The following TTLL5 variants were observed in gnomAD, a reference collection of about 807,000 sequenced individuals.
TTLL5 encodes tubulin tyrosine ligase like 5, also known as tubulin polyglutamylase TTLL5.
A neutral mutation model predicts 168.4 loss-of-function variants in TTLL5; 132 were observed. The observed-to-expected ratio is 0.78, with a 90% CI of 0.68 to 0.91. TTLL5 has a LOEUF of 0.91. Among genes scored for constraint, TTLL5 ranks in the 40% least tolerant of loss-of-function variants. The pLI is 0.00. For synonymous variants in TTLL5, 546 were observed against 558.6 expected, an observed-to-expected ratio of 0.98 and a Z score of 0.32; for missense variants, 1,545 against 1,581.5, an observed-to-expected ratio of 0.98 and a Z score of 0.39.
chr14:75,663,060 T>C lies in TTLL5; in HGVS notation c.-90T>C. On this transcript the variant is annotated 5_prime_UTR_variant, in exon 2 of 32. Transcript: ENST00000298832. Reference sequence around the variant, plus strand: ...ATCAAGTTGATTTCTTGCAGGAATCTGTGCCATCCAAATTGCTTGATCCAG... The same window carrying C: ...ATCAAGTTGATTTCTTGCAGGAATCCGTGCCATCCAAATTGCTTGATCCAG... 1 of 1,067,158 alleles carries C rather than the reference T, an allele frequency of 9.4e-7. No homozygotes were observed. The highest frequency in any genetic ancestry group is 1.3e-5 in the South Asian group (1 of 75,246). The allele number at this position is 1,067,158 out of a possible 1,614,324, so 66.1% of individuals were successfully genotyped here.
Position 75,764,539 on chromosome 14 carries a change from A to C in TTLL5, c.1551-76A>C. The C allele has an allele frequency of 1.9e-6, 3 of 1,559,564 alleles. No homozygotes were observed. The Admixed American group carries it at 5.2e-5, about 27-fold the overall frequency. On this transcript the variant is annotated intron_variant, in intron 18 of 31. Transcript: ENST00000298832. ...ATGTCCAGTATGTCAGCATTATGGA[A>C]TTCTGGGAAGCTTAGCCTTGGAATG...
At chr14:75,746,014 A>G (rs1276907193) in intron 17 of TTLL5, among the ~76,000 whole-genome samples, 1 of 152,232 alleles carries the variant, frequency 6.6e-6, no homozygotes, top group Non-Finnish European at 1.5e-5. Context: ...TGCTACTGCC[A>G]CAATGAAGAT....
chr14:75,896,562 ATAAACT>A (rs1338966209), intron 30 of TTLL5, among the ~76,000 whole-genome samples: 4 of 152,180 alleles, frequency 2.6e-5, no homozygotes, highest in African/African-American at 7.2e-5. Flanking sequence ...TGAGTCCAAG[ATAAACT>A]TATACTAAAC....
At chr14:75,816,789 G>A (rs1408214832) in intron 27 of TTLL5, among the ~76,000 whole-genome samples, 1 of 152,012 alleles carries the variant, frequency 6.6e-6, no homozygotes, top group African/African-American at 2.4e-5. Context: ...GGTCAAATCA[G>A]GGCAGGAAAG....
At chr14:75,863,446 G>T (rs2030201012) in intron 28 of TTLL5, among the ~76,000 whole-genome samples, 1 of 152,160 alleles carries the variant, frequency 6.6e-6, no homozygotes, top group Non-Finnish European at 1.5e-5. Flanking sequence ...CAGGCCTTAT[G>T]ATACGTGCTA....
chr14:75,774,497 T>C (rs1318325361), intron 21 of TTLL5, among the ~76,000 whole-genome samples: 3 of 152,196 alleles, frequency 2.0e-5, no homozygotes, highest in African/African-American at 7.2e-5. Flanking sequence ...CGTATATTTT[T>C]CATTACCCAT....
rs1892120307 is a variant in TTLL5, at chr14:75,782,557, T to G, written c.2586T>G (p.His862Gln). The change falls in exon 25 of 32, where the codon CAT (histidine) becomes CAG (glutamine). Residue 862 changes from histidine to glutamine, a missense_variant. By Grantham distance (24) the His-to-Gln change is conservative. Transcript: ENST00000298832. The part of the protein sequence containing the change: ...PPKQQQTTEI[H>Q]SDKLSRFTTS... Reference sequence around the variant, plus strand: ...AACAGCAACAGACGACAGAAATTCATTCTGATAAATTATCTCGTGAGTGAT... The same window carrying G: ...AACAGCAACAGACGACAGAAATTCAGTCTGATAAATTATCTCGTGAGTGAT... 6.2e-7 allele frequency: 1 copy of G among 1,613,678 alleles called. No individual in the cohort carries two copies. Among genetic ancestry groups the G allele is most frequent in the Admixed American group, 1.7e-5 (1 of 59,964 alleles).
chr14:75,738,973 T>A (rs1889078536), intron 15 of TTLL5, among the ~76,000 whole-genome samples: 1 of 151,872 alleles, frequency 6.6e-6, no homozygotes, highest in African/African-American at 2.4e-5. Context: ...CCTGGCTAAT[T>A]TTTTGTATTT....
intron 6 of TTLL5, among the ~76,000 whole-genome samples, chr14:75,695,764 A>C (rs926700987): frequency 1.3e-5 from 2 of 151,852 alleles, no homozygotes; most frequent in African/African-American, 4.8e-5. Flanking sequence ...AGTAGAGGGT[A>C]CTGTCTCCAG....
At chr14:75,851,095 CAAAAA>C (rs35393032) in intron 28 of TTLL5, among the ~76,000 whole-genome samples, 10 of 95,952 alleles carry the variant, frequency 1.0e-4, no homozygotes, top group African/African-American at 3.8e-4. Flanking sequence ...GACCTTGTCT[CAAAAA>C]AAAAAAAAAA....
chr14:75,760,286 T>C (rs1183088995), intron 18 of TTLL5, among the ~76,000 whole-genome samples: 1 of 152,030 alleles, frequency 6.6e-6, no homozygotes, highest in East Asian at 1.9e-4. Flanking sequence ...TAACAAAACA[T>C]GTTCAATACC....
At chr14:75,882,168 A>G (rs1427503065) in intron 29 of TTLL5, among the ~76,000 whole-genome samples, 1 of 152,108 alleles carries the variant, frequency 6.6e-6, no homozygotes, top group Non-Finnish European at 1.5e-5. Flanking sequence ...CTGTCGCAGG[A>G]ACCTCATCTT....
chr14:75,708,552 C>T (rs1886815730), intron 9 of TTLL5, among the ~76,000 whole-genome samples: 1 of 152,006 alleles, frequency 6.6e-6, no homozygotes, highest in African/African-American at 2.4e-5. Flanking sequence ...GTCTCGATCT[C>T]CTGACCTCGT....
At chr14:75,839,788 A>G (rs1896121096) in intron 28 of TTLL5, among the ~76,000 whole-genome samples, 1 of 152,136 alleles carries the variant, frequency 6.6e-6, no homozygotes, top group African/African-American at 2.4e-5. Context: ...ATCTCACTGT[A>G]GTTTTGATAT....
intron 5 of TTLL5, chr14:75,684,266 C>A (rs2140124114): frequency 6.6e-6 from 1 of 152,252 alleles, no homozygotes; most frequent in African/African-American, 2.4e-5. Flanking sequence ...GCCTTTCTTA[C>A]TTCCCCTTCA....
intron 28 of TTLL5, chr14:75,835,516 A>G (rs1031116304): frequency 6.6e-6 from 1 of 152,210 alleles, no homozygotes; most frequent in African/African-American, 2.4e-5. Context: ...TGTATTGCAA[A>G]TGGACTCTGC....
rs182391290 is a variant in TTLL5, at chr14:75,819,371, T to C, written c.3172-636T>C. Among the ~76,000 whole-genome samples, 153 of 152,376 alleles carry C rather than the reference T, an allele frequency of 1.0e-3. 1 individual carries two copies. Among genetic ancestry groups the C allele is most frequent in the Middle Eastern group, 3.4e-3 (1 of 294 alleles). On this transcript the variant is annotated intron_variant, in intron 27 of 31. Transcript: ENST00000298832. ...CTTTGCCATTTGTGGATACTATCTT[T>C]AAATATTGTATACCAAAGTGATATG...
Position 75,771,870 on chromosome 14 carries a change from C to G in TTLL5, c.2136+16C>G, listed in dbSNP as rs377039435. ...TGAACAGATGGTAAGGCTTTTCTTACTGAAACCTTTTTACTTTCCCTTTTT... is the reference window on the plus strand; with the variant it reads ...TGAACAGATGGTAAGGCTTTTCTTAGTGAAACCTTTTTACTTTCCCTTTTT... On this transcript the variant is annotated intron_variant, in intron 21 of 31. Coordinates refer to ENST00000298832, the MANE Select transcript of TTLL5 (RefSeq NM_015072.5). The G allele has an allele frequency of 4.6e-5, 74 of 1,595,938 alleles. No individual in the cohort carries two copies. In the African/African-American group the frequency reaches 9.1e-4, roughly 20 times the overall value.
At chr14:75,732,829 A>T (rs1173423749) in intron 13 of TTLL5, among the ~76,000 whole-genome samples, 1 of 152,220 alleles carries the variant, frequency 6.6e-6, no homozygotes, top group African/African-American at 2.4e-5. Flanking sequence ...CATGTGGATA[A>T]TATGTGGTCC....
Sources: allele counts gnomAD v4.1 joint callset (sites outside exome capture counted in the v4.1 genomes callset), GRCh38; gene constraint gnomAD v4.1.1; transcripts MANE v1.5; gene names NCBI Gene and HGNC (gene_info 2026-07-23, HGNC 2026-07-21).